DENND1A: variants seen among roughly 807,000 people sequenced by gnomAD.
DENND1A encodes the protein DENN domain-containing protein 1A.
In DENND1A, 51 loss-of-function variants were observed where a neutral mutation model predicts 113.7. The observed-to-expected ratio is 0.45, with a 90% CI of 0.36 to 0.57. The LOEUF is 0.57. Among genes scored for constraint, DENND1A ranks in the 20% least tolerant of loss-of-function variants. The probability of loss-of-function intolerance (pLI) is 0.00; values close to 1 mark genes in which losing one functional copy is unlikely to be tolerated. For missense variants in DENND1A, 1,258 were observed against 1,395.9 expected (o/e 0.90, Z 1.57); for synonymous variants, 565 against 570.8 (o/e 0.99, Z 0.14).
chr9:123,915,327 A>T (rs189495718), intron 1 of DENND1A, among the ~76,000 whole-genome samples: 2 of 152,288 alleles, frequency 1.3e-5, no homozygotes, highest in East Asian at 3.8e-4. Flanking sequence ...ACTTATATTT[A>T]AATATTCATA....
chr9:123,836,465 T>C (rs1841066709), intron 2 of DENND1A, among the ~76,000 whole-genome samples: 1 of 152,072 alleles, frequency 6.6e-6, no homozygotes. Flanking sequence ...TCAGTCAAAT[T>C]ATAGAGGGGA....
chr9:123,694,561 A>G (rs1209882893), intron 5 of DENND1A, among the ~76,000 whole-genome samples: 2 of 152,202 alleles, frequency 1.3e-5, no homozygotes, highest in Admixed American at 1.3e-4. Flanking sequence ...CAATCTCCCA[A>G]TATTACTCTG....
At chr9:123,849,060 A>T (rs551859850) in intron 2 of DENND1A, among the ~76,000 whole-genome samples, 2 of 152,352 alleles carry the variant, frequency 1.3e-5, no homozygotes, top group Middle Eastern at 6.8e-3. Flanking sequence ...AGAAGCTGCA[A>T]CAAGTTATCC....
intron 5 of DENND1A, among the ~76,000 whole-genome samples, chr9:123,726,509 T>A (rs2067719102): frequency 6.6e-6 from 1 of 152,182 alleles, no homozygotes; most frequent in South Asian, 2.1e-4. Flanking sequence ...TAGTGCTTTA[T>A]TCACAGCTGA....
At chr9:123,841,921 G>A (rs1001094855) in intron 2 of DENND1A, among the ~76,000 whole-genome samples, 2 of 152,166 alleles carry the variant, frequency 1.3e-5, no homozygotes, top group South Asian at 2.1e-4. Context: ...GGGGACCAGA[G>A]CTTCATTCAG....
chr9:123,690,520 A>G (rs1187039062), intron 5 of DENND1A, among the ~76,000 whole-genome samples: 1 of 152,238 alleles, frequency 6.6e-6, no homozygotes, highest in East Asian at 1.9e-4. Context: ...CTTAACATGG[A>G]AAAACATTTA....
chr9:123,556,723 C>T (rs1054028583), intron 13 of DENND1A, among the ~76,000 whole-genome samples: 9 of 152,202 alleles, frequency 5.9e-5, no homozygotes, highest in Admixed American at 2.6e-4. Flanking sequence ...ACAGGCCTGT[C>T]GGCAAGGTTT....
intron 9 of DENND1A, among the ~76,000 whole-genome samples, chr9:123,649,942 A>C (rs1350573377): frequency 2.0e-5 from 3 of 152,256 alleles, no homozygotes; most frequent in African/African-American, 2.4e-5. Context: ...AAATGAGTTC[A>C]TACATGAAAA....
At chr9:123,397,869 G>C (rs912228176) in intron 21 of DENND1A, among the ~76,000 whole-genome samples, 1 of 152,200 alleles carries the variant, frequency 6.6e-6, no homozygotes, top group African/African-American at 2.4e-5. Context: ...CAGCAGCCCT[G>C]GGCCCTGGTG....
intron 13 of DENND1A, among the ~76,000 whole-genome samples, chr9:123,543,309 T>C (rs1393767538): frequency 6.6e-6 from 1 of 152,156 alleles, no homozygotes. Context: ...GTCTGAAAAA[T>C]GCTGGGTTAA....
intron 13 of DENND1A, among the ~76,000 whole-genome samples, chr9:123,510,814 C>T (rs996349828): frequency 7.2e-5 from 11 of 152,188 alleles, no homozygotes; most frequent in African/African-American, 2.7e-4. Flanking sequence ...AATAAGAAAA[C>T]ATTCCTAAAA....
At chr9:123,543,752 C>T (rs991621863) in intron 13 of DENND1A, among the ~76,000 whole-genome samples, 7 of 152,182 alleles carry the variant, frequency 4.6e-5, no homozygotes, top group East Asian at 1.9e-4. Flanking sequence ...GAAGCTTCCC[C>T]GCAGCACCCA....
intron 5 of DENND1A, among the ~76,000 whole-genome samples, chr9:123,718,784 C>T (rs1481499408): frequency 1.3e-5 from 2 of 152,194 alleles, no homozygotes; most frequent in African/African-American, 2.4e-5. Flanking sequence ...GCCCAGACAA[C>T]AGTAACAAAG....
At chr9:123,436,578 G>A (rs2046535785) in intron 19 of DENND1A, among the ~76,000 whole-genome samples, 1 of 152,130 alleles carries the variant, frequency 6.6e-6, no homozygotes, top group South Asian at 2.1e-4. Flanking sequence ...CATCTTCCAA[G>A]GCAGGAATAG....
At chr9:123,827,593 C>T (rs982961433) in intron 2 of DENND1A, among the ~76,000 whole-genome samples, 6 of 151,990 alleles carry the variant, frequency 3.9e-5, no homozygotes, top group Non-Finnish European at 7.4e-5. Flanking sequence ...AGGATATGGG[C>T]TGATTACTGA....
chr9:123,643,818 G>C (rs1224702098), intron 9 of DENND1A, among the ~76,000 whole-genome samples: 2 of 152,228 alleles, frequency 1.3e-5, no homozygotes, highest in African/African-American at 4.8e-5. Flanking sequence ...CCTGTTTCCT[G>C]GTGCCTAGAG....
At chr9:123,882,601 G>A (rs1848479273) in intron 1 of DENND1A, among the ~76,000 whole-genome samples, 1 of 152,066 alleles carries the variant, frequency 6.6e-6, no homozygotes, top group Non-Finnish European at 1.5e-5. Flanking sequence ...CTCGATTACT[G>A]CAGCACCCTC....
intron 2 of DENND1A, among the ~76,000 whole-genome samples, chr9:123,833,524 G>C (rs1049823146): frequency 6.6e-6 from 1 of 152,040 alleles, no homozygotes; most frequent in African/African-American, 2.4e-5. Flanking sequence ...GACCTACTCT[G>C]AGCTTTTTTA....
intron 19 of DENND1A, among the ~76,000 whole-genome samples, chr9:123,437,069 G>A (rs951336239): frequency 6.6e-6 from 1 of 152,138 alleles, no homozygotes; most frequent in Non-Finnish European, 1.5e-5. Context: ...AGATGAAGAG[G>A]GAGCCTCTGG....
Sources: allele counts gnomAD v4.1 joint callset (sites outside exome capture counted in the v4.1 genomes callset), GRCh38; gene constraint gnomAD v4.1.1; transcripts MANE v1.5; gene names NCBI Gene and HGNC (gene_info 2026-07-23, HGNC 2026-07-21).